Variants in CDH26 observed in about 807,000 individuals in gnomAD.
CDH26 encodes the protein cadherin 26.
In CDH26, 83 loss-of-function variants were observed where a neutral mutation model predicts 90.3. The observed-to-expected ratio is 0.92, with a 90% CI of 0.77 to 1.10. The LOEUF (loss-of-function observed/expected upper bound fraction) is 1.10. Ranked by LOEUF, CDH26 falls within the 50% of genes least tolerant of loss-of-function variation. CDH26 has a pLI of 0.00. For missense variants in CDH26, 1,013 were observed against 1,037.6 expected (o/e 0.98, Z 0.33); for synonymous variants, 397 against 396.3 (o/e 1.00, Z -0.02).
At chr20:60,001,480 G>A in intron 15 of CDH26, 69 bp downstream of exon 15, 3 of 1,575,048 alleles carry the variant, frequency 1.9e-6, no homozygotes, top group Non-Finnish European at 2.6e-6. Context: ...CCCCCTGAGA[G>A]AGGGCCGTTG....
At chr20:60,012,008 G>C (rs902004185) in intron 17 of CDH26, among the ~76,000 whole-genome samples, 1 of 152,148 alleles carries the variant, frequency 6.6e-6, no homozygotes, top group Non-Finnish European at 1.5e-5. Flanking sequence ...CCACATGGGT[G>C]AGAAAGGGGT....
intron 1 of CDH26, among the ~76,000 whole-genome samples, chr20:59,967,873 C>CTT (rs1482821893): frequency 6.1e-5 from 6 of 98,336 alleles, no homozygotes; most frequent in East Asian, 2.6e-4. Context: ...TTCTTTCTTT[C>CTT]TTTCTTCCTT....
intron 7 of CDH26, among the ~76,000 whole-genome samples, chr20:60,027,205 A>G (rs1000026614): frequency 1.3e-5 from 2 of 152,120 alleles, no homozygotes; most frequent in Non-Finnish European, 2.9e-5. Flanking sequence ...AGGGGCCTCA[A>G]GGTCACTGCT....
At chr20:60,000,661 G>C (rs1377663101) in intron 14 of CDH26, among the ~76,000 whole-genome samples, 1 of 152,164 alleles carries the variant, frequency 6.6e-6, no homozygotes, top group Non-Finnish European at 1.5e-5. Flanking sequence ...GGGCAATCTT[G>C]CTTCCCTATT....
intron 15 of CDH26, among the ~76,000 whole-genome samples, chr20:60,002,083 T>C (rs2061684330): frequency 6.6e-6 from 1 of 152,192 alleles, no homozygotes; most frequent in Non-Finnish European, 1.5e-5. Context: ...TGTACTTTTC[T>C]GATATAGAAT....
chr20:60,006,858 T>G (rs1036464318), intron 17 of CDH26, 71 bp downstream of exon 17: 7 of 1,119,070 alleles, frequency 6.3e-6, no homozygotes, highest in Admixed American at 3.4e-5. Context: ...CAGGCTTGAT[T>G]TGGGGACACT....
chr20:59,985,973 G>A (rs536516828), intron 7 of CDH26: 2 of 152,268 alleles, frequency 1.3e-5, no homozygotes, highest in Non-Finnish European at 2.9e-5. Context: ...ATGATTATTT[G>A]GAGTGGGGGC....
chr20:59,972,406 A>G (rs1484390148), intron 4 of CDH26, among the ~76,000 whole-genome samples: 2 of 152,176 alleles, frequency 1.3e-5, no homozygotes, highest in African/African-American at 4.8e-5. Context: ...GCATTTGGGT[A>G]TAGGGTCACA....
chr20:59,974,929 G>A (rs2061310112), intron 4 of CDH26, among the ~76,000 whole-genome samples: 1 of 152,082 alleles, frequency 6.6e-6, no homozygotes, highest in Admixed American at 6.5e-5. Context: ...TTAGAATGTA[G>A]TTCTAAGAGG....
At chr20:59,991,104 A>G (rs1455342014) in intron 9 of CDH26, among the ~76,000 whole-genome samples, 2 of 151,940 alleles carry the variant, frequency 1.3e-5, no homozygotes, top group Non-Finnish European at 1.5e-5. Context: ...CCACCCATAG[A>G]ATTTGATTGA....
rs2062033281 is a variant in CDH26 at position 60,030,648 on chromosome 20, A to G, written c.948-583A>G. Among the ~76,000 whole-genome samples the G allele has an allele frequency of 6.6e-6, 1 of 152,250 alleles. No homozygotes were observed. Among genetic ancestry groups the G allele is most frequent in the African/African-American group, 2.4e-5 (1 of 41,542 alleles). ...AGGGTCTTTCCAACTCTTTGGATGG[A>G]CTTTGAAGCTGAGAGGCTGTAAGTG... On this transcript the variant is annotated intron_variant, in intron 7 of 8. Coordinates refer to the CDH26 transcript ENST00000370991. This position sits in a 1 kb window ranked among gnomAD's most constrained non-coding sequence, Gnocchi z 4.0.
chr20:60,000,424 TC>T (rs985798166), intron 14 of CDH26, among the ~76,000 whole-genome samples: 38 of 152,340 alleles, frequency 2.5e-4, no homozygotes, highest in African/African-American at 8.9e-4. Flanking sequence ...AGGGCTGGGT[TC>T]GCCGTGCATT....
In CDH26 at chr20:59,996,092, C is replaced by T. The variant is rs181435118; in HGVS notation, c.1888+38C>T. On this transcript the variant is annotated intron_variant, in intron 12 of 17. Coordinates refer to ENST00000348616, the MANE Select transcript of CDH26 (RefSeq NM_177980.4). ...TAGGGGTGTCCTGGGACTGTGGCTC[C>T]TCTCCCCAGGCAATAGGCCAGGGGT... is the stretch of plus-strand genomic sequence containing the variant. 9.9e-4 allele frequency: 1,568 copies of T among 1,590,830 alleles called. 1 individual carries two copies. Among genetic ancestry groups the T allele is most frequent in the Non-Finnish European group, 1.3e-3 (1,479 of 1,168,368 alleles).
chr20:59,975,870 G>A (rs2061322462), intron 4 of CDH26, among the ~76,000 whole-genome samples: 1 of 152,118 alleles, frequency 6.6e-6, no homozygotes, highest in African/African-American at 2.4e-5. Context: ...GGGGTGGTGT[G>A]GGGGAGGCTA....
chr20:60,006,660 G>A lies in CDH26; in HGVS notation c.2221-53G>A, dbSNP rs535352371. 43 of 1,325,110 alleles carry A rather than the reference G, an allele frequency of 3.2e-5. 1 individual carries two copies. In the South Asian group the frequency reaches 4.5e-4, roughly 14 times the overall value. 82.1% of individuals were successfully genotyped at this position (1,325,110 alleles called of 1,614,324 possible). A position where few individuals can be genotyped will look rare whatever the true frequency, so the allele number is the denominator to read the frequency against. Reference sequence around the variant, plus strand: ...GGGGCCACTGACACACAGGGGTTGGGGGGTAGGACAAGGGCTCTGCTGTGG... The same window carrying A: ...GGGGCCACTGACACACAGGGGTTGGAGGGTAGGACAAGGGCTCTGCTGTGG... On this transcript the variant is annotated intron_variant, in intron 16 of 17. Coordinates refer to ENST00000348616, the MANE Select transcript of CDH26 (RefSeq NM_177980.4).
chr20:59,966,182 G>C (rs993427088), intron 1 of CDH26, among the ~76,000 whole-genome samples: 1 of 141,086 alleles, frequency 7.1e-6, no homozygotes, highest in East Asian at 2.2e-4. Context: ...ACCCTGGCGT[G>C]AATCATCACA....
At chr20:60,002,923 A>G in intron 16 of CDH26, 57 bp downstream of exon 16, 1 of 1,329,282 alleles carries the variant, frequency 7.5e-7, no homozygotes, top group Non-Finnish European at 1.0e-6. Flanking sequence ...TCTGCCTAAA[A>G]GCTGTGCAAA....
At chr20:59,968,768 A>T (rs561193926) in intron 1 of CDH26, among the ~76,000 whole-genome samples, 199 bp from the exon 2 acceptor site, 1 of 152,272 alleles carries the variant, frequency 6.6e-6, no homozygotes, top group South Asian at 2.1e-4. Context: ...AATTCTTTTC[A>T]TTATTTCTCC....
At chr20:59,980,146 T>G (rs932028988) in intron 4 of CDH26, among the ~76,000 whole-genome samples, 9 of 152,206 alleles carry the variant, frequency 5.9e-5, no homozygotes, top group African/African-American at 2.2e-4. Flanking sequence ...TTTTTCAGTT[T>G]AGCTGTTCTA....
Sources: allele counts gnomAD v4.1 joint callset (sites outside exome capture counted in the v4.1 genomes callset), GRCh38; gene constraint gnomAD v4.1.1; non-coding constraint Gnocchi (gnomAD v3.1); transcripts MANE v1.5; gene names NCBI Gene and HGNC (gene_info 2026-07-23, HGNC 2026-07-21).